Variants in SENP1 observed in about 807,000 individuals in gnomAD.
SENP1 encodes the protein SUMO specific peptidase 1, also known as sentrin-specific protease 1.
In SENP1, 21 loss-of-function variants were observed where a neutral mutation model predicts 93.0. That is an observed-to-expected ratio of 0.23 (90% confidence interval 0.16 to 0.33). SENP1 has a LOEUF of 0.33. Ranked by LOEUF, SENP1 falls within the 10% of genes least tolerant of loss-of-function variation. SENP1 has a pLI of 1.00. For synonymous variants in SENP1, 256 were observed against 259.6 expected (o/e 0.99, Z 0.13); for missense variants, 591 against 758.7 (o/e 0.78, Z 2.60).
intron 5 of SENP1, chr12:48,085,234 G>T: frequency 6.5e-7 from 1 of 1,549,088 alleles, no homozygotes; most frequent in East Asian, 2.3e-5. Context: ...TTTCTAAACC[G>T]GGATGACACT....
chr12:48,062,283 A>T (rs185131662), intron 13 of SENP1, among the ~76,000 whole-genome samples: 1 of 152,228 alleles, frequency 6.6e-6, no homozygotes, highest in Non-Finnish European at 1.5e-5. Context: ...GATCAAAAAT[A>T]ACTTATCAGT....
chr12:48,091,464 A>G (rs1945222527), intron 4 of SENP1, among the ~76,000 whole-genome samples: 1 of 152,042 alleles, frequency 6.6e-6, no homozygotes, highest in Non-Finnish European at 1.5e-5. Flanking sequence ...AAAAAAAAAA[A>G]GAATGTGTCA....
Position 48,066,919 on chromosome 12 carries a change from T to C in SENP1, c.1034+8A>G, listed in dbSNP as rs1943344602. 1 of 1,551,618 alleles carries C rather than the reference T, an allele frequency of 6.4e-7. No individual in the cohort carries two copies. The highest frequency in any genetic ancestry group is 1.4e-5 in the African/African-American group (1 of 73,396). On this transcript the variant is annotated splice_region_variant and intron_variant, in intron 10 of 17. Coordinates refer to ENST00000549518, the MANE Select transcript of SENP1 (RefSeq NM_001267594.2). ...TGAGAAGGAAAAATGATACCAAAAA[T>C]AACTTACAATTCTTTGATCCACAGC...
At position 48,105,828 on chromosome 12, in the gene SENP1, GGCGGCCACAGC is replaced by G. The variant is rs542642635; in HGVS notation, c.-45+189_-45+199del. 1.4e-4 allele frequency: 81 copies of G among 596,196 alleles called. 1 individual carries two copies. The South Asian group carries it at 1.4e-3, about 10-fold the overall frequency. 36.9% of individuals were successfully genotyped at this position (596,196 alleles called of 1,614,324 possible). A position where few individuals can be genotyped will look rare whatever the true frequency, so the allele number is the denominator to read the frequency against. ...GGCCTCAGGTAGCCTAACGGCCACC[GGCGGCCACAGC>G]GCGGCCACCGGACAGCAGGGGGGAG... On this transcript the variant is annotated intron_variant, in intron 1 of 17. Transcript: ENST00000549518.
chr12:48,092,133 C>G (rs1045792103), intron 4 of SENP1, among the ~76,000 whole-genome samples: 1 of 152,068 alleles, frequency 6.6e-6, no homozygotes, highest in African/African-American at 2.4e-5. Context: ...AGTTCCAGAT[C>G]CTAGATCCTA....
rs760623202 is a variant in SENP1, at chr12:48,095,535, C to CCAAA, written c.220+807_220+808insTTTG. On this transcript the variant is annotated intron_variant, in intron 4 of 17. Coordinates refer to ENST00000549518, the MANE Select transcript of SENP1 (RefSeq NM_001267594.2). Reference sequence around the variant, plus strand: ...TGGGCAACACAGGGAGACTCTGTGTCAAAAAAAAAAAAAAAAAAAAAAATT... The same window carrying CCAAA: ...TGGGCAACACAGGGAGACTCTGTGTCCAAAAAAAAAAAAAAAAAAAAAAAAAATT... Among the ~76,000 whole-genome samples, 124 of 85,868 alleles carry CCAAA rather than the reference C, an allele frequency of 1.4e-3. 2 individuals are homozygous for CCAAA. The highest frequency in any genetic ancestry group is 5.9e-3 in the African/African-American group (120 of 20,436). The allele number at this position is 85,868 out of a possible 152,430, so 56.3% of individuals were successfully genotyped here. A position where few individuals can be genotyped will look rare whatever the true frequency, so the allele number is the denominator to read the frequency against.
rs1050616450 is a variant in SENP1 at position 48,044,099 on chromosome 12, C to G, written c.*1223G>C. The G allele has an allele frequency of 2.0e-5, 3 of 151,520 alleles. No homozygotes were observed. The highest frequency in any genetic ancestry group is 2.9e-5 in the Non-Finnish European group (2 of 67,808). 9.4% of individuals were successfully genotyped at this position (151,520 alleles called of 1,614,324 possible). A position where few individuals can be genotyped will look rare whatever the true frequency, so the allele number is the denominator to read the frequency against. On this transcript the variant is annotated 3_prime_UTR_variant, in exon 18 of 18. Coordinates refer to ENST00000549518, the MANE Select transcript of SENP1 (RefSeq NM_001267594.2). ...ACAAAAGGAATAGCAGTTTTTAAAT[C>G]TCAAGTTGATCAGTCCAAACTCCAC...
In SENP1 at chr12:48,094,484, A is replaced by C. The variant is rs1945422859; in HGVS notation, c.220+1859T>G. 1.3e-5 allele frequency among the ~76,000 whole-genome samples: 2 copies of C among 152,158 alleles called. 1 individual carries two copies. Among genetic ancestry groups the C allele is most frequent in the Non-Finnish European group, 2.9e-5 (2 of 68,032 alleles). On this transcript the variant is annotated intron_variant, in intron 4 of 17. Transcript: ENST00000549518. ...CACCTAAGGTCAGGAGTTCGAGAACAACCTGGCCAACATGGCGAAACCCCA... is the reference window on the plus strand; with the variant it reads ...CACCTAAGGTCAGGAGTTCGAGAACCACCTGGCCAACATGGCGAAACCCCA...
intron 10 of SENP1, among the ~76,000 whole-genome samples, chr12:48,066,300 G>A (rs17122615): frequency 0.019 from 2,844 of 152,036 alleles, 57 homozygotes; most frequent in East Asian, 0.093. Context: ...CAGTGATTTT[G>A]CAAAGTCCAG....
Position 48,071,727 on chromosome 12 carries a change from G to C in SENP1, c.941-6C>G, listed in dbSNP as rs866986853. On this transcript the variant is annotated splice_polypyrimidine_tract_variant and splice_region_variant and intron_variant, in intron 8 of 17. Coordinates refer to ENST00000549518, the MANE Select transcript of SENP1 (RefSeq NM_001267594.2). Reference sequence around the variant, plus strand: ...TAAAATCACAGAGTCTGATCCTAAAGAAACACAAGAGCATTTCATTAGTAA... The same window carrying C: ...TAAAATCACAGAGTCTGATCCTAAACAAACACAAGAGCATTTCATTAGTAA... 1 of 1,593,004 alleles carries C rather than the reference G, an allele frequency of 6.3e-7. No individual in the cohort carries two copies. Among genetic ancestry groups the C allele is most frequent in the Middle Eastern group, 1.7e-4 (1 of 6,010 alleles).
rs1941285735 is a variant in SENP1 at position 48,045,364 on chromosome 12, C to A, written c.1893G>T (p.Arg631=). The part of the protein sequence containing the change: ...NFTQQHMPYF[R]KRMVWEILHR... ...GGAGGATCTCCCAGACCATCCGCTT[C>A]CGGAAGTATGGCATGTGTTGCTGTA... Residue 631 remains arginine (R), a synonymous_variant, in exon 18 of 18, where the codon CGG becomes CGT. Coordinates refer to ENST00000549518, the MANE Select transcript of SENP1 (RefSeq NM_001267594.2). 1.2e-6 allele frequency: 2 copies of A among 1,613,590 alleles called. No individual in the cohort carries two copies. The highest frequency in any genetic ancestry group is 4.5e-5 in the East Asian group (2 of 44,880).
chr12:48,053,386 G>A (rs1188794554), intron 13 of SENP1, among the ~76,000 whole-genome samples: 1 of 151,080 alleles, frequency 6.6e-6, no homozygotes, highest in Non-Finnish European at 1.5e-5. Context: ...GCTGAGGCAG[G>A]AGGATCACTT....
At chr12:48,086,288 A>G (rs1944855909) in intron 5 of SENP1, among the ~76,000 whole-genome samples, 1 of 152,224 alleles carries the variant, frequency 6.6e-6, no homozygotes, top group Non-Finnish European at 1.5e-5. Context: ...CCAGCTAAGG[A>G]AAAATGCAAT....
chr12:48,074,267 A>C (rs1300028039), intron 8 of SENP1, 57 bp downstream of exon 8: 2 of 1,371,806 alleles, frequency 1.5e-6, no homozygotes, highest in Admixed American at 1.9e-5. Flanking sequence ...TAATGAGCTA[A>C]TGAACAGTTA....
intron 13 of SENP1, among the ~76,000 whole-genome samples, chr12:48,063,287 T>G (rs1943079783): frequency 6.6e-6 from 1 of 152,194 alleles, no homozygotes; most frequent in South Asian, 2.1e-4. Flanking sequence ...ATAAGTGATC[T>G]AAAATGAGTA....
chr12:48,084,737 A>G lies in SENP1; in HGVS notation c.381-975T>C, dbSNP rs149132490. 2.2e-4 allele frequency among the ~76,000 whole-genome samples: 34 copies of G among 152,262 alleles called. No individual in the cohort carries two copies. In the East Asian group the frequency reaches 6.2e-3, roughly 28 times the overall value. On this transcript the variant is annotated intron_variant, in intron 5 of 17. Transcript: ENST00000549518. The stretch of plus-strand genomic sequence containing the variant: ...TGCTGGGATTACACATGTGAGCCAC[A>G]GCACCCAGCCAATTTTGAGTTTTTT...
In SENP1 at chr12:48,072,550, C is replaced by T. The variant is rs75899788; in HGVS notation, c.941-829G>A. On this transcript the variant is annotated intron_variant, in intron 8 of 17. Transcript: ENST00000549518. ...CAGAATCGCTTGAACCCAGGACATG[C>T]GAGGTTGCAGTGAACCAAGATGGTC... 4.7e-3 allele frequency among the ~76,000 whole-genome samples: 721 copies of T among 152,128 alleles called. 7 individuals are homozygous for T. Among genetic ancestry groups the T allele is most frequent in the African/African-American group, 0.016 (646 of 41,492 alleles).
intron 2 of SENP1, among the ~76,000 whole-genome samples, chr12:48,098,459 AT>A (rs1280477990): frequency 2.0e-5 from 3 of 151,792 alleles, no homozygotes; most frequent in Non-Finnish European, 4.4e-5. Flanking sequence ...CCTGGCCAAC[AT>A]GGTGAAACCC....
intron 13 of SENP1, among the ~76,000 whole-genome samples, chr12:48,054,515 C>T (rs1356826848): frequency 6.6e-6 from 1 of 152,080 alleles, no homozygotes; most frequent in African/African-American, 2.4e-5. Flanking sequence ...CTTGGCCAGG[C>T]GCAGTGGCTC....
Sources: gnomAD v4.1 joint callset for allele counts (sites outside exome capture counted in the v4.1 genomes callset) on GRCh38, gnomAD v4.1.1 for gene constraint, MANE v1.5 for transcripts, NCBI Gene and HGNC (gene_info 2026-07-23, HGNC 2026-07-21) for gene names.